FEZ2: variants seen among roughly 807,000 people sequenced by gnomAD.
FEZ2 encodes the protein fasciculation and elongation protein zeta 2, also known as fasciculation and elongation protein zeta-2.
FEZ2 carries 51 observed loss-of-function variants against 40.4 expected under a neutral mutation model. The observed-to-expected ratio is 1.26, with a 90% confidence interval of 1.01 to 1.59. The LOEUF (loss-of-function observed/expected upper bound fraction) is 1.59, where lower values mean the gene tolerates loss of function less well. FEZ2 is among the 40% of genes most tolerant of loss of function. The pLI is 0.00. For synonymous variants in FEZ2, 242 were observed against 172.0 expected (o/e 1.41, Z -3.18); for missense variants, 640 against 438.3 (o/e 1.46, Z -4.11).
intron 5 of FEZ2, among the ~76,000 whole-genome samples, chr2:36,564,388 G>A (rs912919186): frequency 2.6e-5 from 4 of 151,914 alleles, no homozygotes; most frequent in African/African-American, 7.3e-5. Context: ...TATTCTCCTC[G>A]TTCATTCATT....
intron 2 of FEZ2, chr2:36,590,695 A>C: frequency 2.0e-6 from 1 of 488,848 alleles, no homozygotes; most frequent in Non-Finnish European, 3.6e-6. Flanking sequence ...CTACACATAA[A>C]AAATGAGTGT....
intron 3 of FEZ2, chr2:36,581,687 G>T (rs1340795767): frequency 1.3e-5 from 5 of 376,566 alleles, no homozygotes; most frequent in Non-Finnish European, 2.5e-5. Context: ...TGATTCAGAA[G>T]GCCCTAACAT....
intron 1 of FEZ2, among the ~76,000 whole-genome samples, chr2:36,592,190 G>A (rs185571462): frequency 6.6e-6 from 1 of 152,294 alleles, no homozygotes; most frequent in Non-Finnish European, 1.5e-5. Context: ...GTATCTAATT[G>A]TGAATAAGCA....
At chr2:36,558,025 T>G (rs1667997978) in intron 6 of FEZ2, 1 of 153,756 alleles carries the variant, frequency 6.5e-6, no homozygotes, top group African/African-American at 2.4e-5. Flanking sequence ...AACTACTACC[T>G]CGGGTTCTAC....
rs1266111607 is a variant in FEZ2, at chr2:36,598,011, G to A, written c.132C>T (p.Ala44=). ...AEAGAEAGGG[A]DGFPAPACSL... is the part of the protein sequence containing the mutation. ...TGCAGGCCGGGGCCGGGAAACCGTC[G>A]GCGCCCCCACCCGCCTCGGCCCCCG... Residue 44 remains alanine (A), a synonymous_variant, in exon 1 of 8, where the codon GCC becomes GCT. Transcript: ENST00000405912. The A allele has an allele frequency of 3.0e-5, 45 of 1,496,608 alleles. No individual in the cohort carries two copies. The highest frequency in any genetic ancestry group is 3.7e-5 in the Non-Finnish European group (42 of 1,128,574). 92.7% of individuals were successfully genotyped at this position (1,496,608 alleles called of 1,614,324 possible).
intron 6 of FEZ2, chr2:36,556,575 T>C (rs1197262003): frequency 6.6e-6 from 1 of 152,234 alleles, no homozygotes; most frequent in Non-Finnish European, 1.5e-5. Context: ...TTCCTGGGTT[T>C]AAACCCTGGC....
intron 5 of FEZ2, among the ~76,000 whole-genome samples, chr2:36,568,186 G>C (rs1668301378): frequency 6.6e-6 from 1 of 151,978 alleles, no homozygotes; most frequent in Non-Finnish European, 1.5e-5. Flanking sequence ...AGGGGTAGGG[G>C]AGGAGGGAGA....
rs930520533 is a variant in FEZ2 at position 36,560,849 on chromosome 2, C to T, written c.904-2336G>A. On this transcript the variant is annotated intron_variant, in intron 5 of 7. Coordinates refer to ENST00000405912, the MANE Select transcript of FEZ2 (RefSeq NM_005102.3). ...GCCATTCTGAATGACATTTGAGATC[C>T]CTTCCATGCTGAAGCGCTAAAGGCG... The T allele has an allele frequency of 2.5e-6, 4 of 1,609,636 alleles. No individual in the cohort carries two copies. In the African/African-American group the frequency reaches 4.0e-5, roughly 16 times the overall value.
At chr2:36,556,697 A>T (rs948987833) in intron 6 of FEZ2, 2 of 152,266 alleles carry the variant, frequency 1.3e-5, no homozygotes, top group African/African-American at 4.8e-5. Context: ...AAGGTTTGTT[A>T]TGAGGACTAA....
rs1668650094 is a variant in FEZ2, at chr2:36,578,761, C to T, written c.739G>A (p.Asp247Asn). 6.2e-7 allele frequency: 1 copy of T among 1,613,856 alleles called. No homozygotes were observed. The highest frequency in any genetic ancestry group is 1.1e-5 in the South Asian group (1 of 91,088). ...ACTTCCTTTTCAAACTCCAGTTCAT[C>T]TCGTAAAGCCAACTGCTGCACCAGC... Reference protein sequence around the residue: ...EELVQQLALRDELEFEKEVKN... With the variant: ...EELVQQLALRNELEFEKEVKN... Residue 247 changes from aspartate to asparagine, a missense_variant, in exon 5 of 8, where the codon GAT becomes AAT. Physicochemically the swap from Asp to Asn is conservative, Grantham distance 23. Coordinates refer to ENST00000405912, the MANE Select transcript of FEZ2 (RefSeq NM_005102.3).
intron 2 of FEZ2, among the ~76,000 whole-genome samples, chr2:36,588,591 C>A (rs897401031): frequency 6.6e-6 from 1 of 152,008 alleles, no homozygotes; most frequent in Non-Finnish European, 1.5e-5. Context: ...TTGCATATAA[C>A]CTGTGCACAT....
chr2:36,581,431 C>A lies in FEZ2; in HGVS notation c.493G>T (p.Val165Phe). 6.2e-7 allele frequency: 1 copy of A among 1,613,120 alleles called. No homozygotes were observed. Among genetic ancestry groups the A allele is most frequent in the Non-Finnish European group, 8.5e-7 (1 of 1,179,168 alleles). The change falls in exon 4 of 8, where the codon GTT (valine) becomes TTT (phenylalanine). Residue 165 changes from valine to phenylalanine, a missense_variant and splice_region_variant. Coordinates refer to ENST00000405912, the MANE Select transcript of FEZ2 (RefSeq NM_005102.3). The part of the protein sequence containing the change: ...NDEPLFTADQ[V>F]IEEIEEMMQE... ...ATCATTTCTTCAATTTCTTCAATAACCTTCGAAAACACACACACCACTGTT... is the reference window on the plus strand; with the variant it reads ...ATCATTTCTTCAATTTCTTCAATAAACTTCGAAAACACACACACCACTGTT...
Position 36,598,102 on chromosome 2 carries a change from T to A in FEZ2, c.41A>T (p.Gln14Leu). The A allele has an allele frequency of 6.7e-7, 1 of 1,484,600 alleles. No homozygotes were observed. Among genetic ancestry groups the A allele is most frequent in the South Asian group, 1.2e-5 (1 of 80,104 alleles). 92.0% of individuals were successfully genotyped at this position (1,484,600 alleles called of 1,614,324 possible). A position where few individuals can be genotyped will look rare whatever the true frequency, so the allele number is the denominator to read the frequency against. ...GTCCAGGAGGCTCCGGGCCGGCTCC[T>A]GGAACTCATAGAAATCCTGCCAGTC... is the stretch of plus-strand genomic sequence containing the variant. ...DGDWQDFYEF[Q>L]EPARSLLDQE... The change falls in exon 1 of 8, where the codon CAG (glutamine) becomes CTG (leucine). Residue 14 changes from glutamine to leucine, a missense_variant. By Grantham distance (113) the Gln-to-Leu change is moderately radical. Coordinates refer to ENST00000405912, the MANE Select transcript of FEZ2 (RefSeq NM_005102.3).
At chr2:36,560,058 T>C (rs974099087) in intron 5 of FEZ2, among the ~76,000 whole-genome samples, 2 of 152,208 alleles carry the variant, frequency 1.3e-5, no homozygotes, top group African/African-American at 4.8e-5. Context: ...AAGAGCTAAC[T>C]TAAAGACTTT....
rs1351888699 is a variant in FEZ2 at position 36,598,146 on chromosome 2, C to T, written c.-4G>A. ...GCCAGTCCCCGTCCGCCGCCATCGC[C>T]GCCCGGAGCAGTCGCGCGCCCCGCC... is the stretch of plus-strand genomic sequence containing the variant. On this transcript the variant is annotated 5_prime_UTR_variant, in exon 1 of 8. Transcript: ENST00000405912. The T allele has an allele frequency of 1.4e-4, 205 of 1,471,324 alleles. No homozygotes were observed. The highest frequency in any genetic ancestry group is 1.7e-4 in the Non-Finnish European group (185 of 1,118,624). The allele number at this position is 1,471,324 out of a possible 1,614,324, so 91.1% of individuals were successfully genotyped here. A position where few individuals can be genotyped will look rare whatever the true frequency, so the allele number is the denominator to read the frequency against.
intron 2 of FEZ2, among the ~76,000 whole-genome samples, chr2:36,589,178 A>C (rs1668996116): frequency 6.6e-6 from 1 of 152,236 alleles, no homozygotes; most frequent in Non-Finnish European, 1.5e-5. Context: ...CCTGCCGGGA[A>C]GTCACAATCT....
At position 36,552,365 on chromosome 2, in the gene FEZ2, TAAGAA is replaced by T. The variant is rs1667835241; in HGVS notation, c.*793_*797del. On this transcript the variant is annotated 3_prime_UTR_variant, in exon 8 of 8. Coordinates refer to ENST00000405912, the MANE Select transcript of FEZ2 (RefSeq NM_005102.3). ...AGTAGCTGTATCTAGAATTCATACT[TAAGAA>T]AAACACACAGGCATGAATAAAATAG... The T allele has an allele frequency of 2.7e-6, 1 of 372,674 alleles. No homozygotes were observed. The highest frequency in any genetic ancestry group is 2.1e-5 in the South Asian group (1 of 47,724). 23.1% of individuals were successfully genotyped at this position (372,674 alleles called of 1,614,324 possible). A position where few individuals can be genotyped will look rare whatever the true frequency, so the allele number is the denominator to read the frequency against.
At chr2:36,571,198 A>G (rs1186645420) in intron 5 of FEZ2, among the ~76,000 whole-genome samples, 3 of 151,490 alleles carry the variant, frequency 2.0e-5, no homozygotes, top group African/African-American at 7.4e-5. Context: ...GGTTTGAATT[A>G]TTAAAATAAT....
intron 3 of FEZ2, among the ~76,000 whole-genome samples, chr2:36,581,946 A>C (rs973491248): frequency 2.0e-4 from 31 of 152,326 alleles, no homozygotes; most frequent in African/African-American, 7.0e-4. Flanking sequence ...TTTCAACAGC[A>C]GAAAAATAAT....
Sources: gnomAD v4.1 joint callset for allele counts (sites outside exome capture counted in the v4.1 genomes callset) on GRCh38, gnomAD v4.1.1 for gene constraint, MANE v1.5 for transcripts, NCBI Gene and HGNC (gene_info 2026-07-23, HGNC 2026-07-21) for gene names.